AFF2: variants seen among roughly 807,000 people sequenced by gnomAD.
The protein encoded by AFF2 is ALF transcription elongation factor 2.
Under a neutral mutation model 76.9 loss-of-function variants are expected in AFF2, and 14 were observed. The ratio of observed to expected loss-of-function variants is 0.18; its 90% CI spans 0.12 to 0.28. The LOEUF is 0.28. Ranked by LOEUF, AFF2 falls within the 10% of genes least tolerant of loss-of-function variation. The pLI is 1.00. For synonymous variants in AFF2, 398 were observed against 366.7 expected, an observed-to-expected ratio of 1.09 and a Z score of -0.98; for missense variants, 868 against 1,001.1, an observed-to-expected ratio of 0.87 and a Z score of 1.79.
intron 3 of AFF2, among the ~76,000 whole-genome samples, chrX:148,785,434 A>T (rs1033448253): frequency 2.7e-5 from 3 of 110,852 alleles, no homozygotes; most frequent in African/African-American, 9.9e-5. Context: ...TACTTTACCT[A>T]TTTCCTCATT....
chrX:148,884,918 C>T (rs1307778322), intron 7 of AFF2, among the ~76,000 whole-genome samples: 1 of 111,964 alleles, frequency 8.9e-6, no homozygotes, highest in African/African-American at 3.2e-5. Context: ...GGAGCTGAGC[C>T]TGATGCAGAG....
chrX:148,987,341 A>C (rs782720617), intron 19 of AFF2, 26 bp from the exon 20 acceptor site: 16 of 1,184,720 alleles, frequency 1.4e-5, no homozygotes, highest in Non-Finnish European at 1.8e-5. Flanking sequence ...CCAGCCTAAC[A>C]AGGCTTGTCT....
Position 148,966,947 on chromosome X carries a change from C to G in AFF2, c.3071C>G (p.Ser1024Cys). 1.7e-6 allele frequency: 2 copies of G among 1,211,630 alleles called. No homozygotes were observed. The highest frequency in any genetic ancestry group is 2.2e-6 in the Non-Finnish European group (2 of 895,532). Residue 1024 changes from serine to cysteine, a missense_variant, in exon 14 of 21, where the codon TCC becomes TGC. By Grantham distance (112) the Ser-to-Cys change is moderately radical (BLOSUM62 -1). Transcript: ENST00000370460. The part of the protein sequence containing the change: ...ATTTTTTTTI[S>C]TITSTITTGL... ...ACCACAACTACTACCACTACCATTT[C>G]CACCATCACCTCTACCATCACTACT...
At chrX:148,526,366 G>GTTTTT (rs34179499) in intron 1 of AFF2, among the ~76,000 whole-genome samples, 16 of 62,702 alleles carry the variant, frequency 2.6e-4, no homozygotes, top group Non-Finnish European at 3.9e-4. Flanking sequence ...ATACAATCTT[G>GTTTTT]TTTTTTTTTT....
intron 9 of AFF2, among the ~76,000 whole-genome samples, chrX:148,938,400 A>G (rs2071796521): frequency 1.8e-5 from 2 of 112,351 alleles, no homozygotes; most frequent in Non-Finnish European, 3.8e-5. Context: ...GCACATAACC[A>G]TAATTGTATC....
rs1603355804 is a variant in AFF2, at chrX:148,998,841, A to G, written c.*7509A>G. On this transcript the variant is annotated 3_prime_UTR_variant, in exon 21 of 21. Coordinates refer to ENST00000370460, the MANE Select transcript of AFF2 (RefSeq NM_002025.4). ...TGACTGAAGAAATATTTTGATTGCAATGGTCTCTCTCTCTCTCCCCCTCTC... is the reference window on the plus strand; with the variant it reads ...TGACTGAAGAAATATTTTGATTGCAGTGGTCTCTCTCTCTCTCCCCCTCTC... 1 of 106,558 alleles carries G rather than the reference A, an allele frequency of 9.4e-6. No individual in the cohort carries two copies. The highest frequency in any genetic ancestry group is 3.0e-4 in the East Asian group (1 of 3,369). 8.8% of individuals were successfully genotyped at this position (106,558 alleles called of 1,213,427 possible). A position where few individuals can be genotyped will look rare whatever the true frequency, so the allele number is the denominator to read the frequency against.
intron 9 of AFF2, among the ~76,000 whole-genome samples, chrX:148,926,272 G>A (rs973003231): frequency 2.7e-5 from 3 of 112,406 alleles, no homozygotes; most frequent in Non-Finnish European, 5.6e-5. Context: ...ATTTTAGGCC[G>A]AGGCTTGCTA....
At chrX:148,861,145 A>G (rs1339597998) in intron 7 of AFF2, among the ~76,000 whole-genome samples, 10 of 111,425 alleles carry the variant, frequency 9.0e-5, no homozygotes, top group African/African-American at 3.3e-4. Flanking sequence ...GAGTATACTG[A>G]CTCATCTTCT....
intron 7 of AFF2, among the ~76,000 whole-genome samples, chrX:148,878,993 A>G (rs1211396023): frequency 1.8e-5 from 2 of 112,271 alleles, no homozygotes; most frequent in Non-Finnish European, 3.8e-5. Flanking sequence ...TGGTATTGTG[A>G]TGAATGTATG....
chrX:148,731,512 ACT>A (rs782756211), intron 3 of AFF2, among the ~76,000 whole-genome samples: 1 of 111,836 alleles, frequency 8.9e-6, no homozygotes, highest in African/African-American at 3.2e-5. Context: ...AAGGTAGAAA[ACT>A]CTAAAATTTT....
chrX:148,716,244 TGC>T (rs200018513), intron 3 of AFF2, among the ~76,000 whole-genome samples: 1,887 of 111,543 alleles, frequency 0.017, 46 homozygotes, highest in African/African-American at 0.058. Flanking sequence ...CTGTTTATTG[TGC>T]CATCCCCTTG....
intron 1 of AFF2, among the ~76,000 whole-genome samples, chrX:148,547,872 G>A (rs890770346): frequency 9.0e-6 from 1 of 111,641 alleles, no homozygotes; most frequent in Non-Finnish European, 1.9e-5. Flanking sequence ...TCACCTGGAG[G>A]TATTTCCTTT....
At chrX:148,632,733 G>A (rs1019996154) in intron 1 of AFF2, among the ~76,000 whole-genome samples, 20 of 111,927 alleles carry the variant, frequency 1.8e-4, no homozygotes, top group African/African-American at 5.5e-4. Flanking sequence ...GAGAAGTTAT[G>A]TAAAGATGAA....
chrX:148,947,321 A>G (rs1227130975), intron 9 of AFF2, among the ~76,000 whole-genome samples: 5 of 112,130 alleles, frequency 4.5e-5, no homozygotes, highest in Non-Finnish European at 9.4e-5. Context: ...CTTGCTTGTG[A>G]TGATATTGGG....
chrX:148,648,561 C>CAAAAAAAAAAAAAA (rs1241628949), intron 1 of AFF2, among the ~76,000 whole-genome samples: 1 of 23,055 alleles, frequency 4.3e-5, no homozygotes, highest in Non-Finnish European at 8.5e-5. Flanking sequence ...AAAACTCCGT[C>CAAAAAAAAAAAAAA]AAAAAAAAAA....
chrX:148,704,394 A>G (rs1206273672), intron 3 of AFF2, among the ~76,000 whole-genome samples: 35 of 52,509 alleles, frequency 6.7e-4, no homozygotes, highest in South Asian at 9.7e-4. Flanking sequence ...ATATATGTGT[A>G]GATATATATT....
intron 20 of AFF2, among the ~76,000 whole-genome samples, chrX:148,989,089 T>C (rs2072506134): frequency 8.9e-6 from 1 of 112,090 alleles, no homozygotes; most frequent in Non-Finnish European, 1.9e-5. Flanking sequence ...AATTATTAAA[T>C]TGTCTACTTT....
At chrX:148,608,068 T>A (rs902369434) in intron 1 of AFF2, among the ~76,000 whole-genome samples, 1 of 111,809 alleles carries the variant, frequency 8.9e-6, no homozygotes, top group Admixed American at 9.5e-5. Context: ...TGTAGAGCTA[T>A]AATCTAGTTT....
chrX:148,979,364 T>A (rs1449084647), intron 18 of AFF2, among the ~76,000 whole-genome samples: 6 of 112,266 alleles, frequency 5.3e-5, no homozygotes, highest in Non-Finnish European at 1.1e-4. Context: ...TTATGTGGTG[T>A]GGCCATAATG....
Sources: allele counts gnomAD v4.1 joint callset (sites outside exome capture counted in the v4.1 genomes callset), GRCh38; gene constraint gnomAD v4.1.1; transcripts MANE v1.5; gene names NCBI Gene and HGNC (gene_info 2026-07-23, HGNC 2026-07-21).